ZSWIM6: variants seen among roughly 807,000 people sequenced by gnomAD.
ZSWIM6 encodes zinc finger SWIM domain-containing protein 6.
ZSWIM6 carries 9 observed loss-of-function variants against 113.2 expected under a neutral mutation model. The ratio of observed to expected loss-of-function variants is 0.08; its 90% CI spans 0.05 to 0.14. ZSWIM6 has a LOEUF of 0.14. ZSWIM6 is among the 10% of genes least tolerant of loss of function. The pLI is 1.00. For missense variants in ZSWIM6, 1,162 were observed against 1,552.2 expected (o/e 0.75, Z 4.22); for synonymous variants, 611 against 606.5 (o/e 1.01, Z -0.11).
chr5:61,423,450 A>G (rs939041733), intron 1 of ZSWIM6, among the ~76,000 whole-genome samples: 6 of 152,054 alleles, frequency 3.9e-5, no homozygotes, highest in Admixed American at 3.3e-4. Flanking sequence ...CAACAACAAA[A>G]AACAGTGGTG....
At chr5:61,504,398 A>G (rs1407863714) in intron 4 of ZSWIM6, among the ~76,000 whole-genome samples, 1 of 152,218 alleles carries the variant, frequency 6.6e-6, no homozygotes, top group Admixed American at 6.5e-5. Context: ...ACACAATACA[A>G]TCAGCATGAA....
rs1748266599 is a variant in ZSWIM6, at chr5:61,494,406, G to A, written c.1329G>A (p.Glu443=). 11 of 1,550,730 alleles carry A rather than the reference G, an allele frequency of 7.1e-6. No homozygotes were observed. Among genetic ancestry groups the A allele is most frequent in the Admixed American group, 2.0e-5 (1 of 50,962 alleles). ...MTDKYRQLWD[E]LGALWMCIVL... ...ACAAATACAGGCAGCTCTGGGATGA[G>A]CTGGGTAAGCATGTTTCCTCACAAA... Residue 443 remains glutamate (E), a synonymous_variant, in exon 4 of 14, where the codon GAG becomes GAA. Coordinates refer to ENST00000252744, the MANE Select transcript of ZSWIM6 (RefSeq NM_020928.2).
chr5:61,391,741 G>A, intron 1 of ZSWIM6: 1 of 1,137,762 alleles, frequency 8.8e-7, no homozygotes, highest in South Asian at 1.2e-5. Context: ...CAGGAAGGCT[G>A]TGAGGTGGAC....
At chr5:61,337,690 A>G (rs1468227118) in intron 1 of ZSWIM6, among the ~76,000 whole-genome samples, 1 of 152,264 alleles carries the variant, frequency 6.6e-6, no homozygotes, top group Non-Finnish European at 1.5e-5. Context: ...AACTTCATAT[A>G]GTATGCTGCA....
rs935328812 is a variant in ZSWIM6 at position 61,512,536 on chromosome 5, C to T, written c.1334-8727C>T. ...AAATACATTTAACTTCATGTGAAAC[C>T]GCCAAACTGTTTGCCAGAGTCTGTG... On this transcript the variant is annotated intron_variant, in intron 4 of 13. Coordinates refer to ENST00000252744, the MANE Select transcript of ZSWIM6 (RefSeq NM_020928.2). Among the ~76,000 whole-genome samples the T allele has an allele frequency of 7.2e-5, 11 of 152,046 alleles. 1 individual carries two copies. The highest frequency in any genetic ancestry group is 3.2e-3 in the Middle Eastern group (1 of 316).
At chr5:61,391,508 G>A (rs1038033293) in intron 1 of ZSWIM6, 34 of 1,206,984 alleles carry the variant, frequency 2.8e-5, no homozygotes, top group Middle Eastern at 5.5e-4. Context: ...GATTTATGCC[G>A]GTTTTTATAG....
intron 1 of ZSWIM6, among the ~76,000 whole-genome samples, chr5:61,376,947 G>T (rs1745385033): frequency 6.6e-6 from 1 of 151,718 alleles, no homozygotes; most frequent in African/African-American, 2.4e-5. Flanking sequence ...TCATATTGAA[G>T]CTGAGACTTA....
intron 1 of ZSWIM6, among the ~76,000 whole-genome samples, chr5:61,425,872 GT>G (rs1746454344): frequency 6.6e-6 from 1 of 152,214 alleles, no homozygotes; most frequent in African/African-American, 2.4e-5. Context: ...GCCCCTGATT[GT>G]GAAGGGTCTT....
At chr5:61,401,479 A>G (rs1745938029) in intron 1 of ZSWIM6, among the ~76,000 whole-genome samples, 1 of 152,184 alleles carries the variant, frequency 6.6e-6, no homozygotes, top group South Asian at 2.1e-4. Flanking sequence ...TTTAGAAAAT[A>G]AAGGGTATAT....
intron 4 of ZSWIM6, among the ~76,000 whole-genome samples, chr5:61,506,311 T>C (rs761711711): frequency 7.9e-5 from 12 of 152,182 alleles, no homozygotes; most frequent in South Asian, 2.1e-4. Flanking sequence ...AGGCCAGGTG[T>C]GGTGGCTCAC....
At chr5:61,420,966 C>T (rs1451184473) in intron 1 of ZSWIM6, among the ~76,000 whole-genome samples, 2 of 151,314 alleles carry the variant, frequency 1.3e-5, no homozygotes, top group Non-Finnish European at 2.9e-5. Flanking sequence ...GTCACCCAGG[C>T]TGGAGTGCAG....
At chr5:61,348,963 C>T (rs915887616) in intron 1 of ZSWIM6, among the ~76,000 whole-genome samples, 6 of 151,778 alleles carry the variant, frequency 4.0e-5, no homozygotes, top group African/African-American at 7.3e-5. Context: ...TGGAACTCAT[C>T]GTTAATGTAA....
At chr5:61,469,950 G>A (rs958976193) in intron 1 of ZSWIM6, among the ~76,000 whole-genome samples, 3 of 152,080 alleles carry the variant, frequency 2.0e-5, no homozygotes, top group South Asian at 2.1e-4. Flanking sequence ...CTCGTGATCC[G>A]CCTGCCTCGG....
At chr5:61,337,285 C>T (rs1011286431) in intron 1 of ZSWIM6, among the ~76,000 whole-genome samples, 1 of 150,268 alleles carries the variant, frequency 6.7e-6, no homozygotes, top group African/African-American at 2.5e-5. Flanking sequence ...TCTCCCCCCC[C>T]AAAAAAAACA....
intron 1 of ZSWIM6, among the ~76,000 whole-genome samples, chr5:61,396,529 C>CAA (rs60743291): frequency 1.2e-3 from 84 of 69,588 alleles, no homozygotes; most frequent in South Asian, 6.4e-3. Flanking sequence ...GACTCTGTCT[C>CAA]AAAAAAAAAA....
intron 3 of ZSWIM6, among the ~76,000 whole-genome samples, chr5:61,492,116 G>T (rs1748196646): frequency 6.6e-6 from 1 of 152,044 alleles, no homozygotes; most frequent in African/African-American, 2.4e-5. Flanking sequence ...GTTAAATAGA[G>T]AGTTCTGTTT....
intron 2 of ZSWIM6, among the ~76,000 whole-genome samples, chr5:61,475,756 G>A (rs933341983): frequency 2.6e-5 from 4 of 152,156 alleles, no homozygotes; most frequent in Non-Finnish European, 1.5e-5. Flanking sequence ...GCTCCCTGGA[G>A]GGTCTTATTT....
intron 1 of ZSWIM6, among the ~76,000 whole-genome samples, chr5:61,336,602 T>C (rs1265532716): frequency 6.6e-6 from 1 of 151,564 alleles, no homozygotes; most frequent in Non-Finnish European, 1.5e-5. Flanking sequence ...TACCAAAAAA[T>C]ACAAAAATTA....
intron 4 of ZSWIM6, among the ~76,000 whole-genome samples, chr5:61,504,365 A>G (rs1748545673): frequency 6.6e-6 from 1 of 152,190 alleles, no homozygotes; most frequent in South Asian, 2.1e-4. Flanking sequence ...TGGGAAATGC[A>G]TGGGGAGTGA....
Sources: gnomAD v4.1 joint callset for allele counts (sites outside exome capture counted in the v4.1 genomes callset) on GRCh38, gnomAD v4.1.1 for gene constraint, MANE v1.5 for transcripts, NCBI Gene and HGNC (gene_info 2026-07-23, HGNC 2026-07-21) for gene names.